The following IFNG-AS1 variants were observed in gnomAD, a reference collection of about 807,000 sequenced individuals.
IFNG-AS1 encodes the protein IFNG regulatory antisense RNA 1, also known as IFNG antisense RNA 1 (non-protein coding).
chr12:67,990,956 G>A (rs959284697), intron 1 of IFNG-AS1, among the ~76,000 whole-genome samples: 7 of 152,282 alleles, frequency 4.6e-5, no homozygotes, highest in Admixed American at 2.6e-4. Context: ...CCTGCCCTAT[G>A]TGGTTTGGTG....
intron 2 of IFNG-AS1, among the ~76,000 whole-genome samples, chr12:68,003,927 C>T (rs1879845510): frequency 2.8e-5 from 2 of 71,408 alleles, no homozygotes; most frequent in African/African-American, 4.4e-5. Context: ...AAAAAGAATC[C>T]GTATTAATTT....
intron 3 of IFNG-AS1, among the ~76,000 whole-genome samples, chr12:68,015,650 C>G (rs949298995): frequency 6.6e-6 from 1 of 152,050 alleles, no homozygotes; most frequent in African/African-American, 2.4e-5. Flanking sequence ...ACTATATAGT[C>G]TCCTAAAAGA....
At chr12:68,021,092 T>C (rs1401386647) in intron 4 of IFNG-AS1, 3 of 152,160 alleles carry the variant, frequency 2.0e-5, no homozygotes, top group African/African-American at 7.2e-5. Flanking sequence ...CCCATACTGA[T>C]CATCCTCAGC....
intron 2 of IFNG-AS1, among the ~76,000 whole-genome samples, chr12:67,999,020 G>A (rs1879706226): frequency 6.6e-6 from 1 of 152,074 alleles, no homozygotes; most frequent in South Asian, 2.1e-4. Flanking sequence ...TTACTAGTAA[G>A]GAAAGGAGGA....
chr12:67,998,477 AG>A (rs372980379), intron 2 of IFNG-AS1, among the ~76,000 whole-genome samples: 294 of 151,910 alleles, frequency 1.9e-3, no homozygotes, highest in African/African-American at 6.4e-3. Context: ...AACCACAAAA[AG>A]GTTAACCCAG....
intron 1 of IFNG-AS1, among the ~76,000 whole-genome samples, chr12:67,993,489 A>G (rs1592818464): frequency 6.6e-6 from 1 of 152,242 alleles, no homozygotes; most frequent in African/African-American, 2.4e-5. Context: ...GTATATGTGC[A>G]TATCAAAAAC....
intron 1 of IFNG-AS1, among the ~76,000 whole-genome samples, chr12:67,990,896 T>A (rs564273766): frequency 7.1e-6 from 1 of 140,244 alleles, no homozygotes; most frequent in Non-Finnish European, 1.7e-5. Context: ...CATAAATAAT[T>A]TTTTTTTAAC....
At chr12:68,016,365 G>A (rs1356245489) in intron 3 of IFNG-AS1, among the ~76,000 whole-genome samples, 1 of 152,092 alleles carries the variant, frequency 6.6e-6, no homozygotes, top group Non-Finnish European at 1.5e-5. Context: ...ATTGCTTGAT[G>A]GTAGTGGTTT....
intron 3 of IFNG-AS1, among the ~76,000 whole-genome samples, chr12:68,014,875 T>A (rs1198481082): frequency 2.0e-5 from 3 of 152,176 alleles, no homozygotes; most frequent in Non-Finnish European, 4.4e-5. Flanking sequence ...AATGTAAATT[T>A]GGAAAATAGA....
intron 3 of IFNG-AS1, among the ~76,000 whole-genome samples, chr12:68,018,812 T>G (rs560180278): frequency 1.1e-4 from 17 of 151,902 alleles, no homozygotes; most frequent in Non-Finnish European, 1.9e-4. Context: ...CTTTAAGTTC[T>G]AAGTCCTTTC....
chr12:68,008,212 C>T (rs929727565), intron 3 of IFNG-AS1, among the ~76,000 whole-genome samples: 1 of 152,012 alleles, frequency 6.6e-6, no homozygotes, highest in South Asian at 2.1e-4. Flanking sequence ...GTCAGGAGAT[C>T]GAGACCATCC....
At chr12:67,989,644 C>G (rs2120400936) in intron 1 of IFNG-AS1, 1 of 152,178 alleles carries the variant, frequency 6.6e-6, no homozygotes, top group Middle Eastern at 3.4e-3. Flanking sequence ...AATGTGTTTT[C>G]TTTAGGTTTT....
intron 1 of IFNG-AS1, among the ~76,000 whole-genome samples, chr12:67,990,313 A>C (rs74441634): frequency 6.6e-6 from 1 of 152,322 alleles, no homozygotes; most frequent in African/African-American, 2.4e-5. Flanking sequence ...CTACAAAGTC[A>C]AGCTTATTCA....
intron 2 of IFNG-AS1, among the ~76,000 whole-genome samples, chr12:68,003,706 A>G (rs1879835887): frequency 6.6e-6 from 1 of 152,130 alleles, no homozygotes; most frequent in Admixed American, 6.5e-5. Flanking sequence ...CGAGGTCAGG[A>G]GATCGAGACC....
At chr12:68,015,790 A>G (rs190288507) in intron 3 of IFNG-AS1, among the ~76,000 whole-genome samples, 4 of 152,322 alleles carry the variant, frequency 2.6e-5, no homozygotes, top group African/African-American at 9.6e-5. Context: ...TTGAAATTCA[A>G]TTCAACAAGT....
chr12:68,019,946 C>G (rs1437087024), intron 4 of IFNG-AS1: 2 of 152,164 alleles, frequency 1.3e-5, no homozygotes, highest in Non-Finnish European at 2.9e-5. Context: ...TTATTTAGAC[C>G]TGGAGGGGCC....
At chr12:68,002,170 T>C (rs1336911713) in intron 2 of IFNG-AS1, among the ~76,000 whole-genome samples, 1 of 152,044 alleles carries the variant, frequency 6.6e-6, no homozygotes, top group Non-Finnish European at 1.5e-5. Context: ...AGGTCTTGAG[T>C]TCAAATTGTG....
intron 1 of IFNG-AS1, among the ~76,000 whole-genome samples, chr12:67,994,402 G>A (rs1879586610): frequency 6.6e-6 from 1 of 152,220 alleles, no homozygotes; most frequent in African/African-American, 2.4e-5. Context: ...GTAGGTGGAT[G>A]ATGTTGTGGG....
At chr12:67,998,224 G>A (rs1346533592) in intron 2 of IFNG-AS1, among the ~76,000 whole-genome samples, 1 of 151,942 alleles carries the variant, frequency 6.6e-6, no homozygotes, top group African/African-American at 2.4e-5. Flanking sequence ...CAAAATATTG[G>A]AAACAATGTA....
Sources: gnomAD v4.1 joint callset for allele counts (sites outside exome capture counted in the v4.1 genomes callset) on GRCh38, gnomAD v4.1.1 for gene constraint, MANE v1.5 for transcripts, NCBI Gene and HGNC (gene_info 2026-07-23, HGNC 2026-07-21) for gene names.